RFX4: variants seen among roughly 807,000 people sequenced by gnomAD.
RFX4 encodes transcription factor RFX4.
Under a neutral mutation model 95.0 loss-of-function variants are expected in RFX4, and 10 were observed. The ratio of observed to expected loss-of-function variants is 0.11; its 90% CI spans 0.06 to 0.18. RFX4 has a LOEUF of 0.18. Ranked by LOEUF, RFX4 falls within the 10% of genes least tolerant of loss-of-function variation. The probability of loss-of-function intolerance (pLI) is 1.00; values close to 1 mark genes in which losing one functional copy is unlikely to be tolerated. For missense variants in RFX4, 640 were observed against 922.0 expected, an observed-to-expected ratio of 0.69 and a Z score of 3.96; for synonymous variants, 321 against 340.7, an observed-to-expected ratio of 0.94 and a Z score of 0.64.
At chr12:106,601,429 CTG>C in intron 1 of RFX4, 1 of 1,392,608 alleles carries the variant, frequency 7.2e-7, no homozygotes, top group Non-Finnish European at 9.8e-7. Flanking sequence ...GCCTTGGTAG[CTG>C]TGAGTGTGGC....
chr12:106,654,166 C>G, intron 3 of RFX4, 62 bp from the exon 4 acceptor site: 1 of 1,608,436 alleles, frequency 6.2e-7, no homozygotes, highest in Non-Finnish European at 8.5e-7. Flanking sequence ...CTAGAAAGAA[C>G]AGACCGTTCT....
Position 106,630,561 on chromosome 12 carries a change from G to A in RFX4, c.131-8771G>A, listed in dbSNP as rs117049631. 2.6e-3 allele frequency among the ~76,000 whole-genome samples: 397 copies of A among 152,312 alleles called. 15 individuals carry two copies. In the East Asian group the frequency reaches 0.068, roughly 26 times the overall value. ...GGTGCCCTTTGCAGGGGCTGGAAAC[G>A]AGGCAAATGAGGGGAAATGAAACGT... is the stretch of plus-strand genomic sequence containing the variant. On this transcript the variant is annotated intron_variant, in intron 2 of 17. Coordinates refer to ENST00000392842, the MANE Select transcript of RFX4 (RefSeq NM_213594.3).
At chr12:106,715,579 T>C (rs1364680895) in intron 11 of RFX4, 35 bp downstream of exon 11, 1 of 1,604,136 alleles carries the variant, frequency 6.2e-7, no homozygotes, top group African/African-American at 1.3e-5. Flanking sequence ...TGTCCTGTTT[T>C]TATTTTTAAA....
At chr12:106,587,100 C>T (rs867054137) in intron 1 of RFX4, among the ~76,000 whole-genome samples, 1 of 152,214 alleles carries the variant, frequency 6.6e-6, no homozygotes, top group African/African-American at 2.4e-5. Flanking sequence ...TCCGAGTCCC[C>T]GAGGCTGCAG....
At chr12:106,602,327 C>T (rs941085292) in intron 1 of RFX4, among the ~76,000 whole-genome samples, 7 of 152,210 alleles carry the variant, frequency 4.6e-5, no homozygotes, top group African/African-American at 4.8e-5. Flanking sequence ...TGGATAGAAA[C>T]CATGCCTTCC....
intron 2 of RFX4, among the ~76,000 whole-genome samples, chr12:106,616,217 CA>C (rs1472699645): frequency 2.0e-5 from 3 of 152,152 alleles, no homozygotes; most frequent in African/African-American, 7.2e-5. Flanking sequence ...TTTTGATGAT[CA>C]TATATTTTTC....
At chr12:106,590,299 G>T (rs557305436) in intron 1 of RFX4, among the ~76,000 whole-genome samples, 5 of 152,218 alleles carry the variant, frequency 3.3e-5, no homozygotes, top group Admixed American at 6.5e-5. Flanking sequence ...GTTAACATAC[G>T]TTCCATACTT....
At chr12:106,704,765 G>A (rs1481486777) in intron 8 of RFX4, among the ~76,000 whole-genome samples, 2 of 152,104 alleles carry the variant, frequency 1.3e-5, no homozygotes, top group Non-Finnish European at 2.9e-5. Context: ...CAGCACAGTG[G>A]TTGTTAATAA....
intron 1 of RFX4, among the ~76,000 whole-genome samples, chr12:106,602,281 G>A (rs1388529492): frequency 1.3e-5 from 2 of 152,188 alleles, no homozygotes; most frequent in African/African-American, 4.8e-5. Context: ...ATCACCATTA[G>A]GCATCTGTCC....
intron 10 of RFX4, 91 bp downstream of exon 10, chr12:106,711,602 C>A: frequency 1.0e-6 from 1 of 990,964 alleles, no homozygotes; most frequent in Non-Finnish European, 1.6e-6. Context: ...CAGGATCTTT[C>A]AGGTTAACAG....
chr12:106,629,692 T>C (rs1468178449), intron 2 of RFX4, among the ~76,000 whole-genome samples: 1 of 152,070 alleles, frequency 6.6e-6, no homozygotes, highest in Non-Finnish European at 1.5e-5. Context: ...TAAGGCTGGT[T>C]GAACTCCTGA....
At chr12:106,618,504 C>T (rs2040118825) in intron 2 of RFX4, among the ~76,000 whole-genome samples, 1 of 151,762 alleles carries the variant, frequency 6.6e-6, no homozygotes, top group Non-Finnish European at 1.5e-5. Context: ...TTAAATATTT[C>T]TACCTTTTCT....
chr12:106,714,748 T>TA (rs2042256928), intron 10 of RFX4, among the ~76,000 whole-genome samples: 1 of 152,116 alleles, frequency 6.6e-6, no homozygotes, highest in Non-Finnish European at 1.5e-5. Context: ...AATACATATA[T>TA]ATAATTATTC....
chr12:106,688,064 CTTTTTTTTTTTT>C (rs754808212), intron 6 of RFX4, among the ~76,000 whole-genome samples: 2 of 96,250 alleles, frequency 2.1e-5, no homozygotes, highest in Admixed American at 1.1e-4. Context: ...TATCACATTT[CTTTTTTTTTTTT>C]TTTTTTTTTT....
intron 4 of RFX4, among the ~76,000 whole-genome samples, chr12:106,661,710 C>T (rs1448366248): frequency 6.6e-6 from 1 of 152,216 alleles, no homozygotes; most frequent in African/African-American, 2.4e-5. Context: ...CCCCTGTTCT[C>T]TGCCTAGTCC....
At chr12:106,583,921 G>A (rs2039413327) in intron 1 of RFX4, among the ~76,000 whole-genome samples, 3 of 152,218 alleles carry the variant, frequency 2.0e-5, no homozygotes, top group Admixed American at 2.0e-4. Context: ...TGGTCCGGGG[G>A]AATCCGCAGA....
intron 15 of RFX4, among the ~76,000 whole-genome samples, chr12:106,739,125 C>CAGAAAGAAAGAAAGAA (rs55743965): frequency 0.1 from 14,991 of 148,958 alleles, 800 homozygotes; most frequent in Admixed American, 0.14. Context: ...GGACCAAAAC[C>CAGAAAGAAAGAAAGAA]AGAAAGAAAG....
intron 4 of RFX4, among the ~76,000 whole-genome samples, chr12:106,659,762 G>A (rs1202848284): frequency 1.3e-5 from 2 of 152,196 alleles, no homozygotes; most frequent in East Asian, 1.9e-4. Context: ...AGTAAGTGGT[G>A]GACTCAGGAT....
At chr12:106,668,892 T>A (rs537616412) in intron 4 of RFX4, among the ~76,000 whole-genome samples, 1 of 152,364 alleles carries the variant, frequency 6.6e-6, no homozygotes, top group South Asian at 2.1e-4. Flanking sequence ...AGGAAAAGGC[T>A]GGCTTATGGA....
Sources: gnomAD v4.1 joint callset for allele counts (sites outside exome capture counted in the v4.1 genomes callset) on GRCh38, gnomAD v4.1.1 for gene constraint, MANE v1.5 for transcripts, NCBI Gene and HGNC (gene_info 2026-07-23, HGNC 2026-07-21) for gene names.